Variants in MLLT1 observed in about 807,000 individuals in gnomAD.
MLLT1 encodes MLLT1 super elongation complex subunit, also known as protein ENL.
Under a neutral mutation model 55.1 loss-of-function variants are expected in MLLT1, and 11 were observed. The observed-to-expected ratio is 0.20, with a 90% CI of 0.13 to 0.33. MLLT1 has a LOEUF of 0.33. Ranked by LOEUF, MLLT1 falls within the 10% of genes least tolerant of loss-of-function variation. MLLT1 has a pLI of 1.00. For missense variants in MLLT1, 536 were observed against 760.6 expected, an observed-to-expected ratio of 0.70 and a Z score of 3.47; for synonymous variants, 323 against 320.1, an observed-to-expected ratio of 1.01 and a Z score of -0.10.
intron 8 of MLLT1, among the ~76,000 whole-genome samples, chr19:6,215,970 G>A (rs557672450): frequency 5.1e-4 from 77 of 152,278 alleles, no homozygotes; most frequent in African/African-American, 1.3e-3. Flanking sequence ...CTGGGTGTCC[G>A]CTGCCCCAGG....
chr19:6,222,498 G>A lies in MLLT1; in HGVS notation c.733C>T (p.Pro245Ser). The A allele has an allele frequency of 6.3e-7, 1 of 1,597,516 alleles. No individual in the cohort carries two copies. The highest frequency in any genetic ancestry group is 8.5e-7 in the Non-Finnish European group (1 of 1,178,596). Residue 245 changes from proline (P) to serine (S), a missense_variant, in exon 6 of 12, where the codon CCA (proline) becomes TCA (serine). Transcript: ENST00000252674. The surrounding 1 kb of genome is among the most constrained non-coding windows in gnomAD (Gnocchi z 4.1). ...EGRLPKEEKA[P>S]PPKAAFKEPK... ...TCCTTGAAGGCAGCCTTGGGCGGTG[G>A]CGCCTTCTCCTCCTTGGGCAGCCGG... is the stretch of plus-strand genomic sequence containing the variant.
At chr19:6,246,365 A>C (rs2091168677) in intron 3 of MLLT1, among the ~76,000 whole-genome samples, 2 of 152,340 alleles carry the variant, frequency 1.3e-5, no homozygotes, top group East Asian at 1.9e-4. Context: ...TCATAATCAC[A>C]AGAGCTGGAA....
chr19:6,247,032 T>C (rs1600199560), intron 3 of MLLT1, among the ~76,000 whole-genome samples: 1 of 152,134 alleles, frequency 6.6e-6, no homozygotes, highest in African/African-American at 2.4e-5. Flanking sequence ...AGTACAGATA[T>C]CGGGAGCCAG....
intron 2 of MLLT1, among the ~76,000 whole-genome samples, chr19:6,268,288 T>C (rs2091365591): frequency 6.6e-6 from 1 of 152,192 alleles, no homozygotes; most frequent in South Asian, 2.1e-4. Context: ...CACTGGACTA[T>C]TAAAAACTTA....
intron 1 of MLLT1, among the ~76,000 whole-genome samples, chr19:6,277,345 C>T (rs141536408): frequency 6.6e-6 from 1 of 152,332 alleles, no homozygotes; most frequent in African/African-American, 2.4e-5. Context: ...GGAGGGAGAC[C>T]ATCACCATCG....
At position 6,222,971 on chromosome 19, in the gene MLLT1, G is replaced by A. The variant is rs189906866; in HGVS notation, c.547-287C>T. ...CTGAGGGATTCAAGAAGAGCACAGG[G>A]TGAGTCAGGCAGAGCATGGCCACTT... is the stretch of plus-strand genomic sequence containing the variant. On this transcript the variant is annotated intron_variant, in intron 5 of 11. Transcript: ENST00000252674. The surrounding 1 kb of genome is among the most constrained non-coding windows in gnomAD (Gnocchi z 4.1). Among the ~76,000 whole-genome samples the A allele has an allele frequency of 1.3e-5, 2 of 152,308 alleles. No homozygotes were observed. The highest frequency in any genetic ancestry group is 6.5e-5 in the Admixed American group (1 of 15,306).
At chr19:6,260,647 AGG>A (rs1346200629) in intron 3 of MLLT1, among the ~76,000 whole-genome samples, 4 of 152,372 alleles carry the variant, frequency 2.6e-5, no homozygotes, top group African/African-American at 9.6e-5. Context: ...AGGTGGCTGA[AGG>A]CCGTGTCAGG....
chr19:6,266,617 G>A (rs931695827), intron 2 of MLLT1, among the ~76,000 whole-genome samples: 7 of 151,850 alleles, frequency 4.6e-5, no homozygotes, highest in African/African-American at 1.7e-4. Context: ...CACTGCCCCT[G>A]GCTAACTTTT....
At chr19:6,277,538 C>G (rs1010944117) in intron 1 of MLLT1, among the ~76,000 whole-genome samples, 9 of 152,234 alleles carry the variant, frequency 5.9e-5, no homozygotes, top group Middle Eastern at 3.4e-3. Flanking sequence ...ACTGTGGTAC[C>G]GGGCAGTGCA....
chr19:6,265,685 A>C (rs1465058894), intron 2 of MLLT1, among the ~76,000 whole-genome samples: 2 of 149,006 alleles, frequency 1.3e-5, no homozygotes, highest in Non-Finnish European at 3.0e-5. Context: ...ACAACAACAA[A>C]AGTTTTGGAT....
intron 3 of MLLT1, among the ~76,000 whole-genome samples, chr19:6,232,990 T>C (rs970355418): frequency 2.0e-5 from 3 of 152,182 alleles, no homozygotes; most frequent in Admixed American, 6.5e-5. Context: ...CAGTCAGCAG[T>C]GGGGACGCAA....
In MLLT1 at chr19:6,213,877, A is replaced by G. The variant is rs62108670; in HGVS notation, c.1407+62T>C. The G allele has an allele frequency of 6.7e-3, 10,310 of 1,543,970 alleles. 53 individuals are homozygous for G. Among genetic ancestry groups the G allele is most frequent in the Non-Finnish European group, 8.5e-3 (9,599 of 1,130,116 alleles). On this transcript the variant is annotated intron_variant, in intron 9 of 11. Transcript: ENST00000252674. ...AAGGCCCCACAAACCCTCCTAGGAC[A>G]GCCCGGCCCAGGGCTAAGCCCGGCC...
chr19:6,213,786 C>T lies in MLLT1; in HGVS notation c.1419G>A (p.Arg473=), dbSNP rs2090807090. The T allele has an allele frequency of 6.2e-7, 1 of 1,613,524 alleles. No homozygotes were observed. The highest frequency in any genetic ancestry group is 8.5e-7 in the Non-Finnish European group (1 of 1,179,806). ...GCTTGCTGCAGGACTCGGGGCTCCTCCGGCCTGACACCTGCAGGGAACCCA... is the reference window on the plus strand; with the variant it reads ...GCTTGCTGCAGGACTCGGGGCTCCTTCGGCCTGACACCTGCAGGGAACCCA... ...PPPPNSKVSG[R]RSPESCSKPE... The change falls in exon 10 of 12, where the codon CGG becomes CGA. Residue 473 remains arginine, a synonymous_variant. Coordinates refer to ENST00000252674, the MANE Select transcript of MLLT1 (RefSeq NM_005934.4).
rs184709019 is a variant in MLLT1, at chr19:6,231,947, C to T, written c.277-1234G>A. Among the ~76,000 whole-genome samples the T allele has an allele frequency of 1.3e-5, 2 of 148,808 alleles. No homozygotes were observed. Among genetic ancestry groups the T allele is most frequent in the East Asian group, 4.4e-4 (2 of 4,536 alleles). On this transcript the variant is annotated intron_variant, in intron 3 of 11. Coordinates refer to ENST00000252674, the MANE Select transcript of MLLT1 (RefSeq NM_005934.4). The surrounding 1 kb of genome is among the most constrained non-coding windows in gnomAD (Gnocchi z 5.1). ...AGAAGGGAGGTTTTCATGGAAACAA[C>T]GTGCATGGGCCGGGCGCGGTGGCTC...
Position 6,232,416 on chromosome 19 carries a change from AC to A in MLLT1, c.277-1704del, listed in dbSNP as rs1044335641. 3.9e-5 allele frequency among the ~76,000 whole-genome samples: 6 copies of A among 152,248 alleles called. 1 individual carries two copies. On this transcript the variant is annotated intron_variant, in intron 3 of 11. Coordinates refer to ENST00000252674, the MANE Select transcript of MLLT1 (RefSeq NM_005934.4). ...GGGAGAATGGTGGTGGCCCTACTCC[AC>A]CCACACACAGAAAACAACTCAAAAT...
rs1416126348 is a variant in MLLT1 at position 6,240,205 on chromosome 19, G to A, written c.277-9492C>T. On this transcript the variant is annotated intron_variant, in intron 3 of 11. Transcript: ENST00000252674. This position sits in a 1 kb window ranked among gnomAD's most constrained non-coding sequence, Gnocchi z 4.7. ...CCTGACCGCTCAGCCTGGGAGGCCA[G>A]GGAGACCCCAGAGGCCCCGCCCCCT... is the stretch of plus-strand genomic sequence containing the variant. 2.6e-5 allele frequency among the ~76,000 whole-genome samples: 4 copies of A among 152,236 alleles called. No homozygotes were observed. The highest frequency in any genetic ancestry group is 7.2e-5 in the African/African-American group (3 of 41,464).
At chr19:6,268,012 G>C (rs2144954578) in intron 2 of MLLT1, among the ~76,000 whole-genome samples, 1 of 152,086 alleles carries the variant, frequency 6.6e-6, no homozygotes, top group Middle Eastern at 3.4e-3. Flanking sequence ...CCTCTGACTT[G>C]GGGTGGGGAG....
rs540777418 is a variant in MLLT1 at position 6,218,422 on chromosome 19, T to C, written c.1111-381A>G. Among the ~76,000 whole-genome samples the C allele has an allele frequency of 2.6e-5, 4 of 152,362 alleles. No homozygotes were observed. In the East Asian group the frequency reaches 7.7e-4, roughly 29 times the overall value. The stretch of plus-strand genomic sequence containing the variant: ...TTGCCTTCGTCCAAGAGGGCAGGCA[T>C]TGACTGGTGTCGCAAAAATGTCTGG... On this transcript the variant is annotated intron_variant, in intron 6 of 11. Transcript: ENST00000252674.
At chr19:6,238,278 T>C (rs892969060) in intron 3 of MLLT1, among the ~76,000 whole-genome samples, 2 of 152,252 alleles carry the variant, frequency 1.3e-5, no homozygotes, top group East Asian at 3.8e-4. Context: ...ACTGATGGTA[T>C]TGGGCATGTG....
Sources: gnomAD v4.1 joint callset for allele counts (sites outside exome capture counted in the v4.1 genomes callset) on GRCh38, gnomAD v4.1.1 for gene constraint, Gnocchi (gnomAD v3.1) non-coding constraint, MANE v1.5 for transcripts, NCBI Gene and HGNC (gene_info 2026-07-23, HGNC 2026-07-21) for gene names.